The following SRF variants were observed in gnomAD, a reference collection of about 807,000 sequenced individuals.
SRF encodes the protein serum response factor.
A neutral mutation model predicts 37.1 loss-of-function variants in SRF; 7 were observed. The observed-to-expected ratio is 0.19, with a 90% CI of 0.11 to 0.35. The LOEUF (loss-of-function observed/expected upper bound fraction) is 0.35, where lower values mean the gene tolerates loss of function less well. Among genes scored for constraint, SRF ranks in the 10% least tolerant of loss-of-function variants. The pLI is 1.00. For missense variants in SRF, 395 were observed against 694.4 expected, an observed-to-expected ratio of 0.57 and a Z score of 4.85; for synonymous variants, 285 against 310.1, an observed-to-expected ratio of 0.92 and a Z score of 0.85.
chr6:43,171,704 G>A lies in SRF; in HGVS notation c.48G>A (p.Ser16=). 8.3e-7 allele frequency: 1 copy of A among 1,205,714 alleles called. No homozygotes were observed. Among genetic ancestry groups the A allele is most frequent in the Non-Finnish European group, 1.0e-6 (1 of 970,134 alleles). The allele number at this position is 1,205,714 out of a possible 1,614,324, so 74.7% of individuals were successfully genotyped here. ...AGAAAALGRG[S]ALGGSLNRTP... ...CCGCGGCGGCTCTGGGCCGGGGCTCGGCCCTGGGGGGCAGCCTGAACCGGA... is the reference window on the plus strand; with the variant it reads ...CCGCGGCGGCTCTGGGCCGGGGCTCAGCCCTGGGGGGCAGCCTGAACCGGA... Residue 16 remains serine (S), a synonymous_variant, in exon 1 of 7, where the codon TCG becomes TCA. Transcript: ENST00000265354. The surrounding 1 kb of genome is among the most constrained non-coding windows in gnomAD (Gnocchi z 6.5).
In SRF at chr6:43,171,663, C is replaced by T. The variant is rs1251935555; in HGVS notation, c.7C>T (p.Pro3Ser). MLPTQAGAAAALG... is the reference protein window; with the variant it reads MLSTQAGAAAALG... Reference sequence around the variant, plus strand: ...CCCTCCTGCATCGAGCGCCATGTTACCGACCCAAGCTGGGGCCGCGGCGGC... The same window carrying T: ...CCCTCCTGCATCGAGCGCCATGTTATCGACCCAAGCTGGGGCCGCGGCGGC... The change falls in exon 1 of 7, where the codon CCG (proline) becomes TCG (serine). Residue 3 changes from proline (P) to serine (S), a missense_variant. Pro to Ser is a moderately conservative substitution (Grantham distance 74, BLOSUM62 -1). Transcript: ENST00000265354. The surrounding 1 kb of genome is among the most constrained non-coding windows in gnomAD (Gnocchi z 6.5). 1 of 1,214,184 alleles carries T rather than the reference C, an allele frequency of 8.2e-7. No individual in the cohort carries two copies. The highest frequency in any genetic ancestry group is 1.0e-6 in the Non-Finnish European group (1 of 974,624). 75.2% of individuals were successfully genotyped at this position (1,214,184 alleles called of 1,614,324 possible). A position where few individuals can be genotyped will look rare whatever the true frequency, so the allele number is the denominator to read the frequency against.
At chr6:43,174,243 C>T (rs569228668) in intron 2 of SRF, 130 bp downstream of exon 2, 1 of 1,221,430 alleles carries the variant, frequency 8.2e-7, no homozygotes, top group Admixed American at 2.5e-5. Flanking sequence ...TCCTAGGGGA[C>T]AGGTGTCCAT....
rs112596376 is a variant in SRF at position 43,178,534 on chromosome 6, T to TACACACAC, written c.1354+61_1354+68dup. On this transcript the variant is annotated intron_variant, in intron 5 of 6. Coordinates refer to ENST00000265354, the MANE Select transcript of SRF (RefSeq NM_003131.4). The surrounding 1 kb of genome is among the most constrained non-coding windows in gnomAD (Gnocchi z 4.3). ...GAAAGGAGGACCGTTTCCTTCTTTA[T>TACACACAC]ACACACACACACACACACATACACA... 2.9e-5 allele frequency: 44 copies of TACACACAC among 1,506,966 alleles called. No homozygotes were observed. In the African/African-American group the frequency reaches 6.0e-4, roughly 21 times the overall value. The allele number at this position is 1,506,966 out of a possible 1,614,324, so 93.3% of individuals were successfully genotyped here.
rs144177872 is a variant in SRF at position 43,173,610 on chromosome 6, G to C, written c.514-237G>C. On this transcript the variant is annotated intron_variant, in intron 1 of 6. Coordinates refer to ENST00000265354, the MANE Select transcript of SRF (RefSeq NM_003131.4). The surrounding 1 kb of genome is among the most constrained non-coding windows in gnomAD (Gnocchi z 4.2). The stretch of plus-strand genomic sequence containing the variant: ...GTTATATGTTCCATCACTGGGGGCT[G>C]TTACTGTTTGCTTGGGGTATCTTCA... 2.1e-4 allele frequency among the ~76,000 whole-genome samples: 32 copies of C among 152,226 alleles called. No homozygotes were observed. The East Asian group carries it at 6.0e-3, about 28-fold the overall frequency.
In SRF at chr6:43,178,698, C is replaced by A; in HGVS notation, c.1355-108C>A. 1 of 1,342,260 alleles carries A rather than the reference C, an allele frequency of 7.5e-7. No homozygotes were observed. Among genetic ancestry groups the A allele is most frequent in the Non-Finnish European group, 1.1e-6 (1 of 941,136 alleles). 83.1% of individuals were successfully genotyped at this position (1,342,260 alleles called of 1,614,324 possible). On this transcript the variant is annotated intron_variant, in intron 5 of 6. Transcript: ENST00000265354. The surrounding 1 kb of genome is among the most constrained non-coding windows in gnomAD (Gnocchi z 4.3). ...ACACACTGGCACCCTTTCCCTTGGG[C>A]TCTTACATCTGAGACTGCCCCAGTC... is the stretch of plus-strand genomic sequence containing the variant.
At position 43,176,106 on chromosome 6, in the gene SRF, G is replaced by C; in HGVS notation, c.1042+139G>C. 2 of 1,242,294 alleles carry C rather than the reference G, an allele frequency of 1.6e-6. No individual in the cohort carries two copies. Among genetic ancestry groups the C allele is most frequent in the Non-Finnish European group, 2.2e-6 (2 of 911,114 alleles). The allele number at this position is 1,242,294 out of a possible 1,614,324, so 77.0% of individuals were successfully genotyped here. On this transcript the variant is annotated intron_variant, in intron 3 of 6. Transcript: ENST00000265354. The surrounding 1 kb of genome is among the most constrained non-coding windows in gnomAD (Gnocchi z 4.0). Reference sequence around the variant, plus strand: ...GAATAGGGGCCAGAGCCTGAGCGAAGCCTCTTATATCCCGTTGGCAGGCAT... The same window carrying C: ...GAATAGGGGCCAGAGCCTGAGCGAACCCTCTTATATCCCGTTGGCAGGCAT...
Position 43,174,100 on chromosome 6 carries a change from G to A in SRF, c.767G>A (p.Ser256Asn). Residue 256 changes from serine (S) to asparagine (N), a missense_variant, in exon 2 of 7, where the codon AGT becomes AAT. Around this residue, in one of 4 missense-constraint regions of SRF, gnomAD observed 232 missense variants for 335.6 expected, o/e 0.69. Transcript: ENST00000265354. ...LTYQVSESDS[S>N]GETKDTLKPA... is the part of the protein sequence containing the mutation. ...TACCAGGTGTCGGAGTCTGACAGCA[G>A]TGGGGAGACCAAGGTGTGTTTGGGT... 1 of 1,614,218 alleles carries A rather than the reference G, an allele frequency of 6.2e-7. No individual in the cohort carries two copies. The highest frequency in any genetic ancestry group is 8.5e-7 in the Non-Finnish European group (1 of 1,180,018).
Position 43,179,448 on chromosome 6 carries a change from A to G in SRF, c.*258A>G, listed in dbSNP as rs1269765284. 1.3e-5 allele frequency: 7 copies of G among 532,532 alleles called. No homozygotes were observed. Among genetic ancestry groups the G allele is most frequent in the Non-Finnish European group, 2.0e-5 (6 of 293,844 alleles). 33.0% of individuals were successfully genotyped at this position (532,532 alleles called of 1,614,324 possible). A position where few individuals can be genotyped will look rare whatever the true frequency, so the allele number is the denominator to read the frequency against. ...TGGAGGGGCTGTCCTCCTTCCTGGG[A>G]CCCCCTCGCCAGCTTGGCTCGATGT... is the stretch of plus-strand genomic sequence containing the variant. On this transcript the variant is annotated 3_prime_UTR_variant, in exon 7 of 7. Coordinates refer to ENST00000265354, the MANE Select transcript of SRF (RefSeq NM_003131.4). The surrounding 1 kb of genome is among the most constrained non-coding windows in gnomAD (Gnocchi z 5.3).
rs767703965 is a variant in SRF at position 43,171,935 on chromosome 6, C to G, written c.279C>G (p.Ala93=). 2 of 1,474,746 alleles carry G rather than the reference C, an allele frequency of 1.4e-6. No homozygotes were observed. Among genetic ancestry groups the G allele is most frequent in the Middle Eastern group, 1.8e-4 (1 of 5,618 alleles). 91.4% of individuals were successfully genotyped at this position (1,474,746 alleles called of 1,614,324 possible). Reference sequence around the variant, plus strand: ...CGGGCGAGGAGGAGGAGCTGGGCGCCGAGCGGCGCGGCCTGAAGCGGAGCC... The same window carrying G: ...CGGGCGAGGAGGAGGAGCTGGGCGCGGAGCGGCGCGGCCTGAAGCGGAGCC... The part of the protein sequence containing the change: ...SESGEEEELG[A]ERRGLKRSLS... Residue 93 remains alanine, a synonymous_variant, in exon 1 of 7, where the codon GCC becomes GCG. Coordinates refer to ENST00000265354, the MANE Select transcript of SRF (RefSeq NM_003131.4). The surrounding 1 kb of genome is among the most constrained non-coding windows in gnomAD (Gnocchi z 6.5).
Position 43,175,855 on chromosome 6 carries a change from C to T in SRF, c.930C>T (p.Val310=). 6.2e-7 allele frequency: 1 copy of T among 1,614,212 alleles called. No individual in the cohort carries two copies. Among genetic ancestry groups the T allele is most frequent in the Non-Finnish European group, 8.5e-7 (1 of 1,180,026 alleles). The change falls in exon 3 of 7, where the codon GTC becomes GTT. Residue 310 remains valine (V), a synonymous_variant. Transcript: ENST00000265354. The part of the protein sequence containing the change: ...TNYLAPVSAS[V]SPSAVSSANG... Reference sequence around the variant, plus strand: ...ACCTGGCACCAGTGTCTGCTAGTGTCAGCCCCAGTGCTGTCAGCAGTGCCA... The same window carrying T: ...ACCTGGCACCAGTGTCTGCTAGTGTTAGCCCCAGTGCTGTCAGCAGTGCCA...
At chr6:43,175,470 TA>T (rs1429947352) in intron 2 of SRF, among the ~76,000 whole-genome samples, 1 of 152,226 alleles carries the variant, frequency 6.6e-6, no homozygotes, top group African/African-American at 2.4e-5. Context: ...TTACATATGC[TA>T]ACCTACTTAA....
At position 43,180,553 on chromosome 6, in the gene SRF, T is replaced by G. The variant is rs1321909029; in HGVS notation, c.*1363T>G. 6.6e-6 allele frequency: 1 copy of G among 152,618 alleles called. No individual in the cohort carries two copies. Among genetic ancestry groups the G allele is most frequent in the East Asian group, 1.9e-4 (1 of 5,190 alleles). 9.5% of individuals were successfully genotyped at this position (152,618 alleles called of 1,614,324 possible). On this transcript the variant is annotated 3_prime_UTR_variant, in exon 7 of 7. Coordinates refer to ENST00000265354, the MANE Select transcript of SRF (RefSeq NM_003131.4). Reference sequence around the variant, plus strand: ...ACAAAAAGCCTTGAAGAAAATGACTTTATTTTTCTAAGTGTAACCTCAGTA... The same window carrying G: ...ACAAAAAGCCTTGAAGAAAATGACTGTATTTTTCTAAGTGTAACCTCAGTA...
At position 43,171,896 on chromosome 6, in the gene SRF, G is replaced by T; in HGVS notation, c.240G>T (p.Glu80Asp). 1 of 1,411,762 alleles carries T rather than the reference G, an allele frequency of 7.1e-7. No individual in the cohort carries two copies. The allele number at this position is 1,411,762 out of a possible 1,614,324, so 87.5% of individuals were successfully genotyped here. Residue 80 changes from glutamate to aspartate, a missense_variant, in exon 1 of 7, where the codon GAG (glutamate) becomes GAT (aspartate). Glu to Asp is a conservative substitution (Grantham distance 45, BLOSUM62 2). Around this residue, in one of 4 missense-constraint regions of SRF, gnomAD observed 134 missense variants for 204.5 expected, o/e 0.66. Coordinates refer to ENST00000265354, the MANE Select transcript of SRF (RefSeq NM_003131.4). This position sits in a 1 kb window ranked among gnomAD's most constrained non-coding sequence, Gnocchi z 6.5. ...PTAGALYSGS[E>D]GDSESGEEEE... is the part of the protein sequence containing the mutation. ...CGGGGGCCCTCTACAGCGGCAGCGA[G>T]GGCGACTCGGAGTCGGGCGAGGAGG...
In SRF at chr6:43,173,804, TA is replaced by T; in HGVS notation, c.514-38del. On this transcript the variant is annotated intron_variant, in intron 1 of 6. Coordinates refer to ENST00000265354, the MANE Select transcript of SRF (RefSeq NM_003131.4). The surrounding 1 kb of genome is among the most constrained non-coding windows in gnomAD (Gnocchi z 4.2). ...TCCAACTTCTCAAGGAAGGTAGAGA[TA>T]AAAAGTTTGCTGACCTGCCCATCTC... is the stretch of plus-strand genomic sequence containing the variant. 3.8e-6 allele frequency: 6 copies of T among 1,591,618 alleles called. No individual in the cohort carries two copies. The highest frequency in any genetic ancestry group is 5.1e-6 in the Non-Finnish European group (6 of 1,167,120).
chr6:43,174,025 C>A lies in SRF; in HGVS notation c.692C>A (p.Thr231Lys), dbSNP rs745973752. The change falls in exon 2 of 7, where the codon ACA (threonine) becomes AAA (lysine). Residue 231 changes from threonine to lysine, a missense_variant. By Grantham distance (78) the Thr-to-Lys change is moderately conservative. Transcript: ENST00000265354. ...SPDSPPRSDP[T>K]TDQRMSATGF... ...GACTCTCCACCCCGTTCAGACCCCA[C>A]AACAGACCAGAGAATGAGTGCCACT... 1 of 1,614,102 alleles carries A rather than the reference C, an allele frequency of 6.2e-7. No individual in the cohort carries two copies. The highest frequency in any genetic ancestry group is 2.2e-5 in the East Asian group (1 of 44,890).
Position 43,178,927 on chromosome 6 carries a change from T to C in SRF, c.1431+45T>C. On this transcript the variant is annotated intron_variant, in intron 6 of 6. Coordinates refer to ENST00000265354, the MANE Select transcript of SRF (RefSeq NM_003131.4). This position sits in a 1 kb window ranked among gnomAD's most constrained non-coding sequence, Gnocchi z 4.3. ...ACCCCATCCCAGATAGCCACTTCTT[T>C]GTCTTGACCTTAGGGGATCCTGTTA... 6.2e-7 allele frequency: 1 copy of C among 1,602,864 alleles called. No individual in the cohort carries two copies. The highest frequency in any genetic ancestry group is 8.5e-7 in the Non-Finnish European group (1 of 1,169,762).
Position 43,178,441 on chromosome 6 carries a change from C to A in SRF, c.1310C>A (p.Ala437Glu). Residue 437 changes from alanine to glutamate, a missense_variant, in exon 5 of 7, where the codon GCA becomes GAA. Ala to Glu is a moderately radical substitution (Grantham distance 107, BLOSUM62 -1). Transcript: ENST00000265354. The surrounding 1 kb of genome is among the most constrained non-coding windows in gnomAD (Gnocchi z 4.3). ...SLTVLNAFSQ[A>E]PSTMQVSHSQ... ...ACCGTGCTGAATGCCTTCTCCCAGG[C>A]ACCATCCACCATGCAGGTGTCACAC... 1 of 1,614,098 alleles carries A rather than the reference C, an allele frequency of 6.2e-7. No homozygotes were observed. Among genetic ancestry groups the A allele is most frequent in the Non-Finnish European group, 8.5e-7 (1 of 1,180,020 alleles).
Position 43,173,825 on chromosome 6 carries a change from C to T in SRF, c.514-22C>T. 3 of 1,604,244 alleles carry T rather than the reference C, an allele frequency of 1.9e-6. No individual in the cohort carries two copies. Among genetic ancestry groups the T allele is most frequent in the Non-Finnish European group, 2.6e-6 (3 of 1,173,228 alleles). ...GAGATAAAAAGTTTGCTGACCTGCCCATCTCCCTCCTCACCCCTCAGGCCT... is the reference window on the plus strand; with the variant it reads ...GAGATAAAAAGTTTGCTGACCTGCCTATCTCCCTCCTCACCCCTCAGGCCT... On this transcript the variant is annotated intron_variant, in intron 1 of 6. Transcript: ENST00000265354. The surrounding 1 kb of genome is among the most constrained non-coding windows in gnomAD (Gnocchi z 4.2).
At chr6:43,175,569 CA>C in intron 2 of SRF, 136 bp from the exon 3 acceptor site, 2 of 1,109,582 alleles carry the variant, frequency 1.8e-6, no homozygotes, top group African/African-American at 3.1e-5. Context: ...ACCTAAGAGT[CA>C]GGCATCAGGT....
Sources: gnomAD v4.1 joint callset for allele counts (sites outside exome capture counted in the v4.1 genomes callset) on GRCh38, gnomAD v4.1.1 for gene constraint, gnomAD v4.1.1 regional missense constraint, Gnocchi (gnomAD v3.1) non-coding constraint, MANE v1.5 for transcripts, NCBI Gene and HGNC (gene_info 2026-07-23, HGNC 2026-07-21) for gene names.